The following NAALADL2 variants were observed in gnomAD, a reference collection of about 807,000 sequenced individuals.
The protein encoded by NAALADL2 is N-acetylated alpha-linked acidic dipeptidase like 2, also known as inactive N-acetylated-alpha-linked acidic dipeptidase-like protein 2.
In NAALADL2, 76 loss-of-function variants were observed where a neutral mutation model predicts 87.2. The ratio of observed to expected loss-of-function variants is 0.87; its 90% CI spans 0.72 to 1.05. The LOEUF is 1.05. NAALADL2 is among the 50% of genes least tolerant of loss of function. The probability of loss-of-function intolerance (pLI) is 0.00; values close to 1 mark genes in which losing one functional copy is unlikely to be tolerated. For missense variants in NAALADL2, 1,089 were observed against 945.8 expected, an observed-to-expected ratio of 1.15 and a Z score of -1.99; for synonymous variants, 354 against 331.0, an observed-to-expected ratio of 1.07 and a Z score of -0.75.
chr3:175,789,352 T>C (rs1210781737), intron 13 of NAALADL2, among the ~76,000 whole-genome samples: 1 of 152,216 alleles, frequency 6.6e-6, no homozygotes, highest in Non-Finnish European at 1.5e-5. Context: ...CTCTTTTGTA[T>C]ATGTCTTCTC....
intron 5 of NAALADL2, among the ~76,000 whole-genome samples, chr3:175,381,997 G>A (rs1437536348): frequency 6.6e-6 from 1 of 152,126 alleles, no homozygotes; most frequent in Non-Finnish European, 1.5e-5. Flanking sequence ...TCCCTTCTCT[G>A]GGACTAACTG....
intron 3 of NAALADL2, among the ~76,000 whole-genome samples, chr3:174,756,059 G>A (rs760309457): frequency 1.3e-4 from 20 of 152,148 alleles, no homozygotes; most frequent in Admixed American, 5.2e-4. Context: ...TACTATCAGC[G>A]GGAGACTGAA....
At position 174,698,630 on chromosome 3, in the gene NAALADL2, C is replaced by T. The variant is rs768464634; in HGVS notation, c.-114-39011C>T. On this transcript the variant is annotated intron_variant, in intron 2 of 3. Transcript: ENST00000434257. ...CTGTAATCCCAGCACTTTGGGAGGC[C>T]GAGGCGGGCAGATCACGAGGTCAGG... 7.3e-5 allele frequency among the ~76,000 whole-genome samples: 7 copies of T among 95,958 alleles called. 1 individual carries two copies. Among genetic ancestry groups the T allele is most frequent in the Non-Finnish European group, 1.2e-4 (7 of 57,226 alleles). 63.0% of individuals were successfully genotyped at this position (95,958 alleles called of 152,430 possible).
chr3:175,456,213 C>T (rs1016942165), intron 6 of NAALADL2, among the ~76,000 whole-genome samples: 8 of 151,982 alleles, frequency 5.3e-5, no homozygotes, highest in African/African-American at 1.7e-4. Flanking sequence ...TGTCTCTGGA[C>T]CATAAAATTG....
Position 175,063,722 on chromosome 3 carries a change from A to G in NAALADL2, c.44-33068A>G, listed in dbSNP as rs750581117. 7.9e-5 allele frequency among the ~76,000 whole-genome samples: 12 copies of G among 151,230 alleles called. No individual in the cohort carries two copies. The East Asian group carries it at 1.2e-3, about 15-fold the overall frequency. On this transcript the variant is annotated intron_variant, in intron 1 of 13. Transcript: ENST00000454872. ...AGTCTCAAACTCTTAGGCTAAACCA[A>G]TGCTCCTGCCTCTGCCTCCTAAAGT...
At chr3:175,466,639 A>G (rs989262626) in intron 7 of NAALADL2, among the ~76,000 whole-genome samples, 1 of 152,134 alleles carries the variant, frequency 6.6e-6, no homozygotes. Context: ...GCATGCATAC[A>G]TTGTTTACAG....
At chr3:175,691,396 G>A (rs958195302) in intron 11 of NAALADL2, among the ~76,000 whole-genome samples, 8 of 151,498 alleles carry the variant, frequency 5.3e-5, no homozygotes, top group Non-Finnish European at 8.9e-5. Flanking sequence ...TTTTATTTGT[G>A]TGTGTGTGTA....
rs1553931383 is a variant in NAALADL2, at chr3:175,605,644, T to TTTTTTTGTTG, written c.1801-21641_1801-21640insGTTGTTTTTT. Reference sequence around the variant, plus strand: ...ACACCTAGATGTATATTGCTTGTTTTTTTTTTTTTTTTAACTGTATTTAGA... The same window carrying TTTTTTTGTTG: ...ACACCTAGATGTATATTGCTTGTTTTTTTTTTGTTGTTTTTTTTTTTTAACTGTATTTAGA... On this transcript the variant is annotated intron_variant, in intron 10 of 13. Transcript: ENST00000454872. Among the ~76,000 whole-genome samples the TTTTTTTGTTG allele has an allele frequency of 9.4e-4, 125 of 133,036 alleles. 1 individual carries two copies. The highest frequency in any genetic ancestry group is 3.1e-3 in the African/African-American group (112 of 35,824). 87.3% of individuals were successfully genotyped at this position (133,036 alleles called of 152,430 possible). A position where few individuals can be genotyped will look rare whatever the true frequency, so the allele number is the denominator to read the frequency against.
chr3:174,963,049 G>A (rs569123550), intron 1 of NAALADL2, among the ~76,000 whole-genome samples: 86 of 151,966 alleles, frequency 5.7e-4, no homozygotes, highest in East Asian at 2.3e-3. Context: ...TATTTTATGC[G>A]TCCAATTATT....
intron 9 of NAALADL2, among the ~76,000 whole-genome samples, chr3:175,532,278 C>CT (rs1734190009): frequency 6.6e-6 from 1 of 152,190 alleles, no homozygotes; most frequent in Admixed American, 6.5e-5. Context: ...CCAGTAGTCC[C>CT]TAAAATGTCT....
chr3:175,196,664 C>T (rs34088024), intron 2 of NAALADL2, among the ~76,000 whole-genome samples: 1,837 of 152,028 alleles, frequency 0.012, 15 homozygotes, highest in African/African-American at 0.025. Flanking sequence ...CTTGCACCCA[C>T]GTAAAAGTTG....
At chr3:175,624,886 G>A (rs1726770448) in intron 10 of NAALADL2, among the ~76,000 whole-genome samples, 2 of 152,078 alleles carry the variant, frequency 1.3e-5, no homozygotes, top group African/African-American at 4.8e-5. Flanking sequence ...ATAGCAAAAT[G>A]TTTAGGAAGC....
chr3:175,069,177 A>T (rs1197287320), intron 1 of NAALADL2, among the ~76,000 whole-genome samples: 2 of 150,094 alleles, frequency 1.3e-5, no homozygotes, highest in African/African-American at 5.1e-5. Flanking sequence ...TAATTAAACT[A>T]AAGAGCTTCA....
At chr3:175,762,380 T>C (rs1220400136) in intron 13 of NAALADL2, among the ~76,000 whole-genome samples, 1 of 152,098 alleles carries the variant, frequency 6.6e-6, no homozygotes, top group Non-Finnish European at 1.5e-5. Flanking sequence ...ACAATGATAT[T>C]ATAGGAGAGC....
intron 3 of NAALADL2, among the ~76,000 whole-genome samples, chr3:174,784,088 T>C (rs1205795465): frequency 6.6e-6 from 1 of 152,216 alleles, no homozygotes; most frequent in Non-Finnish European, 1.5e-5. Flanking sequence ...AATATTTACA[T>C]CTTTACAAAT....
intron 2 of NAALADL2, among the ~76,000 whole-genome samples, chr3:175,105,801 T>A (rs1359769051): frequency 1.3e-5 from 2 of 151,952 alleles, no homozygotes; most frequent in African/African-American, 4.8e-5. Flanking sequence ...GTCTACTATA[T>A]TCCAGGCACT....
chr3:175,625,066 G>T (rs572830379), intron 10 of NAALADL2, among the ~76,000 whole-genome samples: 1 of 151,986 alleles, frequency 6.6e-6, no homozygotes, highest in African/African-American at 2.4e-5. Flanking sequence ...CTAAAATAAG[G>T]ATACTAAATC....
At chr3:174,865,291 T>A (rs1727015703) in intron 1 of NAALADL2, among the ~76,000 whole-genome samples, 1 of 152,060 alleles carries the variant, frequency 6.6e-6, no homozygotes, top group African/African-American at 2.4e-5. Context: ...ATAATGAACA[T>A]GCAAAAGGTG....
intron 2 of NAALADL2, among the ~76,000 whole-genome samples, chr3:174,644,001 C>G (rs765814080): frequency 1.3e-5 from 2 of 152,132 alleles, no homozygotes; most frequent in Admixed American, 1.3e-4. Context: ...AAGGTCACTA[C>G]CACAGTAGTT....
Sources: gnomAD v4.1 joint callset for allele counts (sites outside exome capture counted in the v4.1 genomes callset) on GRCh38, gnomAD v4.1.1 for gene constraint, MANE v1.5 for transcripts, NCBI Gene and HGNC (gene_info 2026-07-23, HGNC 2026-07-21) for gene names.